Variants in PCYT1A observed in about 807,000 individuals in gnomAD.
The protein encoded by PCYT1A is choline-phosphate cytidylyltransferase A.
PCYT1A carries 25 observed loss-of-function variants against 43.7 expected under a neutral mutation model. The observed-to-expected ratio is 0.57, with a 90% CI of 0.42 to 0.80. PCYT1A has a LOEUF of 0.80. PCYT1A is among the 30% of genes least tolerant of loss of function. PCYT1A has a pLI of 0.00. For synonymous variants in PCYT1A, 172 were observed against 170.7 expected (o/e 1.01, Z -0.06); for missense variants, 421 against 474.2 (o/e 0.89, Z 1.04).
chr3:196,259,273 A>G (rs1442421719), intron 2 of PCYT1A, among the ~76,000 whole-genome samples: 1 of 152,048 alleles, frequency 6.6e-6, no homozygotes, highest in Non-Finnish European at 1.5e-5. Flanking sequence ...ATATAAGTCT[A>G]TTAAGATTTT....
rs1725515028 is a variant in PCYT1A at position 196,273,963 on chromosome 3, C to T, written c.-10-3422G>A. Among the ~76,000 whole-genome samples, 1 of 152,242 alleles carries T rather than the reference C, an allele frequency of 6.6e-6. No homozygotes were observed. Among genetic ancestry groups the T allele is most frequent in the Non-Finnish European group, 1.5e-5 (1 of 68,032 alleles). On this transcript the variant is annotated intron_variant, in intron 1 of 8. Transcript: ENST00000431016. The surrounding 1 kb of genome is among the most constrained non-coding windows in gnomAD (Gnocchi z 4.1). Reference sequence around the variant, plus strand: ...CAGGCTATTCACGAAGGGGCGCCTGCAGGCCTGAATGGAGCTGCTCTCAGC... The same window carrying T: ...CAGGCTATTCACGAAGGGGCGCCTGTAGGCCTGAATGGAGCTGCTCTCAGC...
Position 196,281,093 on chromosome 3 carries a change from G to A in PCYT1A, c.-11+6522C>T, listed in dbSNP as rs775860353. On this transcript the variant is annotated intron_variant, in intron 1 of 8. Transcript: ENST00000431016. Reference sequence around the variant, plus strand: ...CTTCCCCACTAAAACCCAATGCCCAGTATTTTTCTATCAGCATATCAATGC... The same window carrying A: ...CTTCCCCACTAAAACCCAATGCCCAATATTTTTCTATCAGCATATCAATGC... 4.5e-4 allele frequency among the ~76,000 whole-genome samples: 68 copies of A among 152,324 alleles called. 1 individual carries two copies. The highest frequency in any genetic ancestry group is 9.7e-4 in the Non-Finnish European group (66 of 68,028).
In PCYT1A at chr3:196,242,929, G is replaced by A. The variant is rs1260030055; in HGVS notation, c.487-289C>T. On this transcript the variant is annotated intron_variant, in intron 5 of 8. Transcript: ENST00000431016. This position sits in a 1 kb window ranked among gnomAD's most constrained non-coding sequence, Gnocchi z 4.2. ...ACCAGTCATCTTGCTGTGGTCAATA[G>A]GGCCAGAGGGTTTGCTGGTGAACCG... The A allele has an allele frequency of 5.1e-6, 2 of 393,520 alleles. No homozygotes were observed. The highest frequency in any genetic ancestry group is 9.4e-6 in the Non-Finnish European group (2 of 212,316). The allele number at this position is 393,520 out of a possible 1,614,324, so 24.4% of individuals were successfully genotyped here. A position where few individuals can be genotyped will look rare whatever the true frequency, so the allele number is the denominator to read the frequency against.
rs1468115896 is a variant in PCYT1A, at chr3:196,238,193, C to T, written c.*495G>A. 6 of 152,746 alleles carry T rather than the reference C, an allele frequency of 3.9e-5. No homozygotes were observed. The highest frequency in any genetic ancestry group is 1.4e-4 in the African/African-American group (6 of 41,432). The allele number at this position is 152,746 out of a possible 1,614,324, so 9.5% of individuals were successfully genotyped here. Reference sequence around the variant, plus strand: ...GGAAATCAAAATTAAGATATTTCTCCACAAATTACCCATCAGCGTGGCTCA... The same window carrying T: ...GGAAATCAAAATTAAGATATTTCTCTACAAATTACCCATCAGCGTGGCTCA... On this transcript the variant is annotated 3_prime_UTR_variant, in exon 9 of 9. Transcript: ENST00000431016.
chr3:196,250,058 C>A (rs1428016800), intron 3 of PCYT1A, among the ~76,000 whole-genome samples: 1 of 133,348 alleles, frequency 7.5e-6, no homozygotes, highest in South Asian at 2.6e-4. Flanking sequence ...CCAGATACAC[C>A]ATGCCGAGGC....
intron 3 of PCYT1A, among the ~76,000 whole-genome samples, chr3:196,256,270 T>G (rs2108771068): frequency 1.3e-5 from 2 of 152,266 alleles, no homozygotes; most frequent in Admixed American, 1.3e-4. Context: ...GGTGGGTGGA[T>G]CACGAGGTCA....
chr3:196,238,451 G>GC lies in PCYT1A; in HGVS notation c.*236_*237insG, dbSNP rs988140355. 9.3e-5 allele frequency: 34 copies of GC among 364,154 alleles called. No homozygotes were observed. Among genetic ancestry groups the GC allele is most frequent in the Non-Finnish European group, 1.4e-4 (28 of 203,520 alleles). The allele number at this position is 364,154 out of a possible 1,614,324, so 22.6% of individuals were successfully genotyped here. A position where few individuals can be genotyped will look rare whatever the true frequency, so the allele number is the denominator to read the frequency against. On this transcript the variant is annotated 3_prime_UTR_variant, in exon 9 of 9. Transcript: ENST00000431016. ...ACAGTGAAACAAAGCCCTTGGGGGG[G>GC]GGTAAATGGATGCAGAGCAGGCTTC... is the stretch of plus-strand genomic sequence containing the variant.
intron 1 of PCYT1A, among the ~76,000 whole-genome samples, chr3:196,279,061 G>A (rs1332299996): frequency 1.3e-5 from 2 of 150,154 alleles, no homozygotes; most frequent in South Asian, 2.1e-4. Context: ...GCCAAGGCGG[G>A]AGGATCACCT....
Position 196,247,477 on chromosome 3 carries a change from C to G in PCYT1A, c.376G>C (p.Val126Leu). 6.2e-7 allele frequency: 1 copy of G among 1,614,186 alleles called. No individual in the cohort carries two copies. The highest frequency in any genetic ancestry group is 8.5e-7 in the Non-Finnish European group (1 of 1,180,004). The change falls in exon 5 of 9, where the codon GTG becomes CTG. Residue 126 changes from valine (V) to leucine (L), a missense_variant. Around this residue, in one of 3 missense-constraint regions of PCYT1A, gnomAD observed 174 missense variants for 270.7 expected, o/e 0.64. Transcript: ENST00000431016. This position sits in a 1 kb window ranked among gnomAD's most constrained non-coding sequence, Gnocchi z 4.8. ...TCATAGCGCTCATTCTCGTTCATCA[C>G]CGTGAAGCCTTTGAAGTTGTGTGTG... ...ELTHNFKGFT[V>L]MNENERYDAV...
At chr3:196,256,897 C>T (rs1724966033) in intron 3 of PCYT1A, among the ~76,000 whole-genome samples, 1 of 152,132 alleles carries the variant, frequency 6.6e-6, no homozygotes, top group Non-Finnish European at 1.5e-5. Flanking sequence ...AACATACCAA[C>T]ACAATTAAGA....
chr3:196,241,063 G>A (rs1724331555), intron 7 of PCYT1A, among the ~76,000 whole-genome samples: 1 of 149,924 alleles, frequency 6.7e-6, no homozygotes, highest in South Asian at 2.1e-4. Flanking sequence ...CGAGGCCAAG[G>A]GGGTCCGATC....
At chr3:196,284,690 G>A (rs1266964153) in intron 1 of PCYT1A, among the ~76,000 whole-genome samples, 1 of 152,138 alleles carries the variant, frequency 6.6e-6, no homozygotes, top group African/African-American at 2.4e-5. Flanking sequence ...ATAGACTGAG[G>A]GGGAATGAAG....
At chr3:196,238,954 A>G in intron 8 of PCYT1A, 60 bp from the exon 9 acceptor site, 1 of 1,063,132 alleles carries the variant, frequency 9.4e-7, no homozygotes. Flanking sequence ...ATCATCACTG[A>G]AGCATCTAGG....
chr3:196,254,335 A>G (rs60680644), intron 3 of PCYT1A, among the ~76,000 whole-genome samples: 1 of 150,672 alleles, frequency 6.6e-6, no homozygotes, highest in Admixed American at 6.6e-5. Flanking sequence ...CTATATATAT[A>G]TTTTTTTAAT....
intron 3 of PCYT1A, chr3:196,251,392 C>T (rs1216558604): frequency 6.6e-6 from 1 of 151,674 alleles, no homozygotes; most frequent in African/African-American, 2.4e-5. Flanking sequence ...TCAGATACAT[C>T]TCCTTCCTGT....
intron 1 of PCYT1A, among the ~76,000 whole-genome samples, chr3:196,276,293 A>T (rs1241084571): frequency 6.6e-6 from 1 of 151,966 alleles, no homozygotes; most frequent in African/African-American, 2.4e-5. Context: ...AATATAAACA[A>T]CTATTATTTA....
rs756051317 is a variant in PCYT1A, at chr3:196,277,688, T to C, written c.-10-7147A>G. On this transcript the variant is annotated intron_variant, in intron 1 of 8. Transcript: ENST00000431016. The surrounding 1 kb of genome is among the most constrained non-coding windows in gnomAD (Gnocchi z 4.1). Reference sequence around the variant, plus strand: ...GAGTTCGCAACCAGCCTGGCCAACATGGTGAAACCCCATCTCTACTAAAAA... The same window carrying C: ...GAGTTCGCAACCAGCCTGGCCAACACGGTGAAACCCCATCTCTACTAAAAA... Among the ~76,000 whole-genome samples the C allele has an allele frequency of 5.9e-5, 9 of 152,116 alleles. No individual in the cohort carries two copies. The highest frequency in any genetic ancestry group is 1.3e-4 in the Non-Finnish European group (9 of 68,022).
In PCYT1A at chr3:196,270,426, G is replaced by A. The variant is rs181492393; in HGVS notation, c.106C>T (p.Arg36Cys). 7.8e-5 allele frequency: 126 copies of A among 1,610,608 alleles called. No homozygotes were observed. In the East Asian group the frequency reaches 2.4e-3, roughly 30 times the overall value. Residue 36 changes from arginine (R) to cysteine (C), a missense_variant, in exon 2 of 9, where the codon CGC becomes TGC. Around this residue, in one of 3 missense-constraint regions of PCYT1A, gnomAD observed 139 missense variants for 117.7 expected, o/e 1.18. Transcript: ENST00000431016. ...EEDGVPSKVQ[R>C]CAVGLRQPAP... is the part of the protein sequence containing the mutation. The stretch of plus-strand genomic sequence containing the variant: ...TAATCTCCACTTACCACTGCACAGC[G>A]CTGCACTTTGGAAGGAACCCCATCT...
At chr3:196,243,471 G>C (rs537724455) in intron 5 of PCYT1A, among the ~76,000 whole-genome samples, 1 of 152,162 alleles carries the variant, frequency 6.6e-6, no homozygotes, top group Non-Finnish European at 1.5e-5. Flanking sequence ...AATACAAACC[G>C]AAGGCCATAA....
Sources: gnomAD v4.1 joint callset for allele counts (sites outside exome capture counted in the v4.1 genomes callset) on GRCh38, gnomAD v4.1.1 for gene constraint, gnomAD v4.1.1 regional missense constraint, Gnocchi (gnomAD v3.1) non-coding constraint, MANE v1.5 for transcripts, NCBI Gene and HGNC (gene_info 2026-07-23, HGNC 2026-07-21) for gene names.